IGSF21: variants seen among roughly 807,000 people sequenced by gnomAD.
The protein encoded by IGSF21 is immunoglobin superfamily member 21, also known as immunoglobulin superfamily member 21.
A neutral mutation model predicts 46.8 loss-of-function variants in IGSF21; 28 were observed. The ratio of observed to expected loss-of-function variants is 0.60; its 90% CI spans 0.44 to 0.82. IGSF21 has a LOEUF of 0.82. Among genes scored for constraint, IGSF21 ranks in the 40% least tolerant of loss-of-function variants. IGSF21 has a pLI of 0.00. For synonymous variants in IGSF21, 284 were observed against 273.6 expected (o/e 1.04, Z -0.38); for missense variants, 624 against 665.5 (o/e 0.94, Z 0.69).
At chr1:18,249,800 C>T (rs1037375031) in intron 2 of IGSF21, among the ~76,000 whole-genome samples, 1 of 152,170 alleles carries the variant, frequency 6.6e-6, no homozygotes, top group Non-Finnish European at 1.5e-5. Context: ...ATGGGAAACC[C>T]ACTGGCACGG....
intron 3 of IGSF21, 39 bp downstream of exon 3, chr1:18,292,026 G>A: frequency 3.1e-6 from 5 of 1,602,906 alleles, no homozygotes; most frequent in Non-Finnish European, 4.3e-6. Flanking sequence ...GCGGGGGAAG[G>A]GCGGAGGGAT....
intron 1 of IGSF21, among the ~76,000 whole-genome samples, chr1:18,173,103 A>G (rs1236283092): frequency 6.6e-6 from 1 of 152,328 alleles, no homozygotes; most frequent in East Asian, 1.9e-4. Flanking sequence ...TCTGGCTAAC[A>G]TGGTGAAACC....
In IGSF21 at chr1:18,291,843, GCTAT is replaced by G; in HGVS notation, c.184-20_184-17del. ...AGGGCCGGTTGAGCACTCACGTGTG[GCTAT>G]CTCTGTGCTCTGTGGCAGGTGACGG... On this transcript the variant is annotated intron_variant, in intron 2 of 9. Coordinates refer to ENST00000251296, the MANE Select transcript of IGSF21 (RefSeq NM_032880.5). The G allele has an allele frequency of 3.1e-6, 5 of 1,612,384 alleles. No individual in the cohort carries two copies. The highest frequency in any genetic ancestry group is 4.2e-6 in the Non-Finnish European group (5 of 1,179,106).
chr1:18,156,163 A>C (rs976370590), intron 1 of IGSF21, among the ~76,000 whole-genome samples: 1 of 151,894 alleles, frequency 6.6e-6, no homozygotes, highest in Admixed American at 6.6e-5. Context: ...ATTCTGATAG[A>C]GTGGGTGGGC....
At chr1:18,317,671 A>G (rs1465196602) in intron 3 of IGSF21, among the ~76,000 whole-genome samples, 1 of 152,160 alleles carries the variant, frequency 6.6e-6, no homozygotes, top group African/African-American at 2.4e-5. Context: ...ATGGCCATGA[A>G]TCCACATTCA....
At chr1:18,284,756 G>T (rs1034894000) in intron 2 of IGSF21, among the ~76,000 whole-genome samples, 11 of 152,184 alleles carry the variant, frequency 7.2e-5, no homozygotes, top group Admixed American at 2.6e-4. Context: ...ACCATGAAAG[G>T]CAGGTATCGC....
chr1:18,180,298 C>CA (rs2086844545), intron 1 of IGSF21, among the ~76,000 whole-genome samples: 1 of 152,090 alleles, frequency 6.6e-6, no homozygotes, highest in South Asian at 2.1e-4. Context: ...GCAGGGTGCT[C>CA]AAAAAACCCT....
At position 18,334,939 on chromosome 1, in the gene IGSF21, T is replaced by G; in HGVS notation, c.353T>G (p.Val118Gly). The G allele has an allele frequency of 6.2e-7, 1 of 1,614,188 alleles. No homozygotes were observed. Among genetic ancestry groups the G allele is most frequent in the African/African-American group, 1.3e-5 (1 of 75,060 alleles). Residue 118 changes from valine to glycine, a missense_variant, in exon 4 of 10, where the codon GTG becomes GGG. Physicochemically the swap from Val to Gly is moderately radical, Grantham distance 109. Transcript: ENST00000251296. This position sits in a 1 kb window ranked among gnomAD's most constrained non-coding sequence, Gnocchi z 4.3. ...ISDNGPYECHVGIYDRATREK... is the reference protein window; with the variant it reads ...ISDNGPYECHGGIYDRATREK... ...GACAATGGTCCCTATGAGTGCCATG[T>G]GGGCATCTACGACCGCGCCACCAGG...
Position 18,376,906 on chromosome 1 carries a change from C to T in IGSF21, c.1208C>T (p.Pro403Leu). 1 of 1,612,952 alleles carries T rather than the reference C, an allele frequency of 6.2e-7. No homozygotes were observed. The highest frequency in any genetic ancestry group is 1.1e-5 in the South Asian group (1 of 91,050). Residue 403 changes from proline to leucine, a missense_variant, in exon 8 of 10, where the codon CCC becomes CTC. Transcript: ENST00000251296. ...AAGGAGCTGGTGCTGGAGCGGGTTC[C>T]CGCCGAGCTCAATGGCTCCATGTAT... ...DGKELVLERV[P>L]AELNGSMYRC...
intron 1 of IGSF21, among the ~76,000 whole-genome samples, chr1:18,148,804 T>C (rs980013464): frequency 6.6e-6 from 1 of 152,078 alleles, no homozygotes; most frequent in African/African-American, 2.4e-5. Flanking sequence ...GAAATAAAAA[T>C]AAGAAGTGGA....
intron 1 of IGSF21, among the ~76,000 whole-genome samples, chr1:18,195,147 G>A (rs568060542): frequency 2.0e-5 from 3 of 152,268 alleles, no homozygotes; most frequent in South Asian, 2.1e-4. Context: ...CAGCCAAACC[G>A]TATCACGCCC....
chr1:18,335,574 C>T lies in IGSF21; in HGVS notation c.424+564C>T, dbSNP rs1407325997. On this transcript the variant is annotated intron_variant, in intron 4 of 9. Transcript: ENST00000251296. The surrounding 1 kb of genome is among the most constrained non-coding windows in gnomAD (Gnocchi z 4.8). Reference sequence around the variant, plus strand: ...AGACTCAGTTTTCCCATGTGTAAAACAAGAATGCTGCTCTGCACGTTCTCA... The same window carrying T: ...AGACTCAGTTTTCCCATGTGTAAAATAAGAATGCTGCTCTGCACGTTCTCA... 6.6e-6 allele frequency among the ~76,000 whole-genome samples: 1 copy of T among 152,178 alleles called. No homozygotes were observed. The highest frequency in any genetic ancestry group is 1.9e-4 in the East Asian group (1 of 5,180).
At chr1:18,118,804 G>A (rs1191815546) in intron 1 of IGSF21, among the ~76,000 whole-genome samples, 1 of 152,124 alleles carries the variant, frequency 6.6e-6, no homozygotes, top group African/African-American at 2.4e-5. Context: ...ATGGGGAAGA[G>A]TTAGTCATTC....
At position 18,190,844 on chromosome 1, in the gene IGSF21, G is replaced by A. The variant is rs544128311; in HGVS notation, c.71-37054G>A. ...TTTCTCGGCTGGGCCTAATCACCGG[G>A]TGATCTTGGCCTGTGATTGAGGGGA... On this transcript the variant is annotated intron_variant, in intron 1 of 9. Coordinates refer to ENST00000251296, the MANE Select transcript of IGSF21 (RefSeq NM_032880.5). 5.3e-5 allele frequency among the ~76,000 whole-genome samples: 8 copies of A among 152,322 alleles called. No homozygotes were observed. The East Asian group carries it at 1.4e-3, about 26-fold the overall frequency.
chr1:18,190,778 A>T lies in IGSF21; in HGVS notation c.71-37120A>T, dbSNP rs2124475824. On this transcript the variant is annotated intron_variant, in intron 1 of 9. Transcript: ENST00000251296. ...TTATCGGGGATTTGTGAGCTTGTAA[A>T]ACATGGCCAGCTATCACGCCATCTC... Among the ~76,000 whole-genome samples the T allele has an allele frequency of 1.3e-5, 2 of 152,188 alleles. 1 individual carries two copies. Among genetic ancestry groups the T allele is most frequent in the South Asian group, 4.2e-4 (2 of 4,818 alleles).
At chr1:18,217,152 T>G (rs1479169260) in intron 1 of IGSF21, among the ~76,000 whole-genome samples, 3 of 152,224 alleles carry the variant, frequency 2.0e-5, no homozygotes, top group Admixed American at 6.5e-5. Context: ...CAGGTCAAGT[T>G]GTGGTGTGAT....
intron 2 of IGSF21, among the ~76,000 whole-genome samples, chr1:18,235,012 T>C (rs1206689112): frequency 6.6e-6 from 1 of 152,190 alleles, no homozygotes; most frequent in African/African-American, 2.4e-5. Flanking sequence ...TGATCTTTAA[T>C]GGAAGTTCTA....
At chr1:18,333,612 G>T (rs2085736585) in intron 3 of IGSF21, among the ~76,000 whole-genome samples, 1 of 152,214 alleles carries the variant, frequency 6.6e-6, no homozygotes, top group Non-Finnish European at 1.5e-5. Context: ...AAGGTCCCAT[G>T]ATTTACAAAC....
At chr1:18,263,492 G>C (rs2084965056) in intron 2 of IGSF21, among the ~76,000 whole-genome samples, 1 of 151,888 alleles carries the variant, frequency 6.6e-6, no homozygotes, top group Middle Eastern at 3.4e-3. Context: ...CTCACTCGCT[G>C]TAGGATCTTG....
Sources: gnomAD v4.1 joint callset for allele counts (sites outside exome capture counted in the v4.1 genomes callset) on GRCh38, gnomAD v4.1.1 for gene constraint, Gnocchi (gnomAD v3.1) non-coding constraint, MANE v1.5 for transcripts, NCBI Gene and HGNC (gene_info 2026-07-23, HGNC 2026-07-21) for gene names.